Variants in KCNAB2 observed in about 807,000 individuals in gnomAD.
KCNAB2 encodes potassium voltage-gated channel subfamily A regulatory beta subunit 2, also known as voltage-gated potassium channel subunit beta-2.
In KCNAB2, 29 loss-of-function variants were observed where a neutral mutation model predicts 63.6. The observed-to-expected ratio is 0.46, with a 90% CI of 0.34 to 0.62. KCNAB2 has a LOEUF of 0.62. Among genes scored for constraint, KCNAB2 ranks in the 20% least tolerant of loss-of-function variants. The pLI is 0.01. For synonymous variants in KCNAB2, 222 were observed against 224.2 expected (o/e 0.99, Z 0.09); for missense variants, 359 against 563.9 (o/e 0.64, Z 3.68).
Position 6,073,492 on chromosome 1 carries a change from T to A in KCNAB2, c.263-241T>A, listed in dbSNP as rs936872410. ...AGCATTTCAAAAGCCCCAGACCTCC[T>A]GGACCCATAGCCAGCAGCCCGCTCT... is the stretch of plus-strand genomic sequence containing the variant. On this transcript the variant is annotated intron_variant, in intron 3 of 15. Transcript: ENST00000378083. The surrounding 1 kb of genome is among the most constrained non-coding windows in gnomAD (Gnocchi z 5.7). Among the ~76,000 whole-genome samples the A allele has an allele frequency of 2.0e-5, 3 of 152,234 alleles. No individual in the cohort carries two copies. Among genetic ancestry groups the A allele is most frequent in the Non-Finnish European group, 4.4e-5 (3 of 68,034 alleles).
At chr1:6,079,394 C>T (rs1664001065) in intron 4 of KCNAB2, among the ~76,000 whole-genome samples, 1 of 152,128 alleles carries the variant, frequency 6.6e-6, no homozygotes, top group East Asian at 1.9e-4. Context: ...GTGGCATGCA[C>T]CTGTAGTCCA....
At chr1:6,095,219 C>T (rs1665516869) in intron 11 of KCNAB2, 104 bp from the exon 12 acceptor site, 1 of 1,267,498 alleles carries the variant, frequency 7.9e-7, no homozygotes, top group Non-Finnish European at 1.1e-6. Flanking sequence ...AGCTGCTGGG[C>T]CAGCCTGCTC....
intron 1 of KCNAB2, among the ~76,000 whole-genome samples, chr1:5,993,363 C>G (rs927486125): frequency 5.3e-5 from 8 of 152,086 alleles, no homozygotes; most frequent in Admixed American, 6.5e-5. Context: ...CCACCTTACC[C>G]TGCTCCCCAA....
chr1:6,006,570 TC>T (rs1657772147), intron 1 of KCNAB2, among the ~76,000 whole-genome samples: 1 of 3,182 alleles, frequency 3.1e-4, no homozygotes, highest in African/African-American at 7.2e-4. Context: ...TCAGCTCAGC[TC>T]CCACATCCCC....
At chr1:6,070,508 A>G (rs1350129051) in intron 2 of KCNAB2, among the ~76,000 whole-genome samples, 2 of 152,224 alleles carry the variant, frequency 1.3e-5, no homozygotes, top group African/African-American at 2.4e-5. Flanking sequence ...AGAGGGTACT[A>G]TCAAGAGTAT....
chr1:6,063,954 T>G (rs1662534817), intron 2 of KCNAB2, among the ~76,000 whole-genome samples: 1 of 152,344 alleles, frequency 6.6e-6, no homozygotes, highest in South Asian at 2.1e-4. Context: ...ACTTGGTGAC[T>G]GAAAGTCTCG....
At chr1:6,004,498 G>C (rs1462691867) in intron 1 of KCNAB2, among the ~76,000 whole-genome samples, 1 of 152,026 alleles carries the variant, frequency 6.6e-6, no homozygotes, top group Non-Finnish European at 1.5e-5. Context: ...GTTCCCTCTG[G>C]AGACCGAGGT....
Position 6,098,762 on chromosome 1 carries a change from C to G in KCNAB2, c.*188C>G. 1 of 703,252 alleles carries G rather than the reference C, an allele frequency of 1.4e-6. No homozygotes were observed. The highest frequency in any genetic ancestry group is 1.8e-5 in the African/African-American group (1 of 55,622). The allele number at this position is 703,252 out of a possible 1,614,324, so 43.6% of individuals were successfully genotyped here. On this transcript the variant is annotated 3_prime_UTR_variant, in exon 16 of 16. Transcript: ENST00000378083. ...CACCCACTGCTTCGCCGGACAATGT[C>G]GAAGTCCAGTCTGTGCCGGGGAAGG...
intron 1 of KCNAB2, among the ~76,000 whole-genome samples, chr1:6,004,638 A>G (rs924594339): frequency 4.8e-5 from 7 of 145,906 alleles, no homozygotes; most frequent in African/African-American, 1.8e-4. Flanking sequence ...TCCTCTTTTT[A>G]TATGGACACT....
chr1:6,097,153 C>G (rs1420996443), intron 14 of KCNAB2, 116 bp from the exon 15 acceptor site: 1 of 1,214,272 alleles, frequency 8.2e-7, no homozygotes, highest in South Asian at 1.6e-5. Flanking sequence ...TTCCTAGACC[C>G]CCTCAGACCC....
intron 1 of KCNAB2, among the ~76,000 whole-genome samples, chr1:6,046,835 A>G (rs1660966049): frequency 6.6e-6 from 1 of 152,148 alleles, no homozygotes; most frequent in Admixed American, 6.5e-5. Flanking sequence ...TCTCAATCTC[A>G]GGTTGTATGC....
intron 2 of KCNAB2, among the ~76,000 whole-genome samples, chr1:6,063,871 T>A (rs546141585): frequency 7.2e-5 from 11 of 152,322 alleles, no homozygotes; most frequent in African/African-American, 2.4e-4. Flanking sequence ...TGTGGGCGTA[T>A]GTTTTCAGTT....
At chr1:6,043,724 G>T (rs920810264), upstream of KCNAB2, among the ~76,000 whole-genome samples, 1 of 152,180 alleles carries the variant, frequency 6.6e-6, no homozygotes, top group African/African-American at 2.4e-5. Context: ...CTTAGGCCTG[G>T]CCCTCTCACA....
At position 6,078,654 on chromosome 1, in the gene KCNAB2, G is replaced by A. The variant is rs1232031632; in HGVS notation, c.301-3541G>A. Among the ~76,000 whole-genome samples the A allele has an allele frequency of 6.6e-6, 1 of 152,168 alleles. No homozygotes were observed. The highest frequency in any genetic ancestry group is 1.5e-5 in the Non-Finnish European group (1 of 68,026). On this transcript the variant is annotated intron_variant, in intron 4 of 15. Transcript: ENST00000378083. This position sits in a 1 kb window ranked among gnomAD's most constrained non-coding sequence, Gnocchi z 4.2. ...CTTTGGCTTTGACCCTCTGCGAGAT[G>A]GAAGCCCCTGGAGGGCTTTTGCATG...
chr1:6,038,205 C>CAA (rs1660212309), intron 1 of KCNAB2, among the ~76,000 whole-genome samples: 1 of 151,974 alleles, frequency 6.6e-6, no homozygotes, highest in African/African-American at 2.4e-5. Context: ...AATAAAACTC[C>CAA]AGGGGATCGT....
At chr1:6,043,563 G>T (rs7520094), upstream of KCNAB2, among the ~76,000 whole-genome samples, 1,291 of 152,338 alleles carry the variant, frequency 8.5e-3, 9 homozygotes, top group Non-Finnish European at 0.014. Context: ...TCTCCAGGGG[G>T]TCACTTGGGT....
chr1:6,086,483 G>A lies in KCNAB2; in HGVS notation c.426-984G>A, dbSNP rs1664708786. 1 of 697,892 alleles carries A rather than the reference G, an allele frequency of 1.4e-6. No individual in the cohort carries two copies. The highest frequency in any genetic ancestry group is 1.3e-4 in the East Asian group (1 of 7,494). 43.2% of individuals were successfully genotyped at this position (697,892 alleles called of 1,614,324 possible). A position where few individuals can be genotyped will look rare whatever the true frequency, so the allele number is the denominator to read the frequency against. On this transcript the variant is annotated intron_variant, in intron 6 of 15. Transcript: ENST00000378083. The surrounding 1 kb of genome is among the most constrained non-coding windows in gnomAD (Gnocchi z 4.2). ...TCTGTGGCCGATGCTTCGGGGCAGA[G>A]GAGGCCTCCTACTCCAGCCTCGTGA... is the stretch of plus-strand genomic sequence containing the variant.
chr1:6,088,889 T>A, intron 7 of KCNAB2, 119 bp from the exon 8 acceptor site: 1 of 834,386 alleles, frequency 1.2e-6, no homozygotes, highest in South Asian at 1.5e-5. Context: ...GGAATCCGAC[T>A]CCACACGGCA....
chr1:6,086,258 T>G lies in KCNAB2; in HGVS notation c.425+1010T>G. 1.7e-6 allele frequency: 1 copy of G among 588,454 alleles called. No individual in the cohort carries two copies. 36.5% of individuals were successfully genotyped at this position (588,454 alleles called of 1,614,324 possible). On this transcript the variant is annotated intron_variant, in intron 6 of 15. Transcript: ENST00000378083. This position sits in a 1 kb window ranked among gnomAD's most constrained non-coding sequence, Gnocchi z 4.2. ...AGGGGAGCCCCCGCCCCCTCCCCCA[T>G]GGATTCCTGACACCCCTTCCTCTTG...
Sources: gnomAD v4.1 joint callset for allele counts (sites outside exome capture counted in the v4.1 genomes callset) on GRCh38, gnomAD v4.1.1 for gene constraint, Gnocchi (gnomAD v3.1) non-coding constraint, MANE v1.5 for transcripts, NCBI Gene and HGNC (gene_info 2026-07-23, HGNC 2026-07-21) for gene names.